Variants in ACTN1 observed in about 807,000 individuals in gnomAD.
ACTN1 encodes actinin alpha 1, also known as alpha-actinin-1.
In ACTN1, 30 loss-of-function variants were observed where a neutral mutation model predicts 119.6. The ratio of observed to expected loss-of-function variants is 0.25; its 90% confidence interval spans 0.19 to 0.34. ACTN1 has a LOEUF of 0.34. Ranked by LOEUF, ACTN1 falls within the 10% of genes least tolerant of loss-of-function variation. ACTN1 has a pLI of 1.00. For missense variants in ACTN1, 764 were observed against 1,223.4 expected, an observed-to-expected ratio of 0.62 and a Z score of 5.60; for synonymous variants, 429 against 472.6, an observed-to-expected ratio of 0.91 and a Z score of 1.20.
At position 68,890,174 on chromosome 14, in the gene ACTN1, C is replaced by T. The variant is rs575011573; in HGVS notation, c.1199G>A (p.Arg400Gln). Residue 400 changes from arginine (R) to glutamine (Q), a missense_variant, in exon 11 of 22, where the codon CGG becomes CAG. Around this residue, in one of 4 missense-constraint regions of ACTN1, gnomAD observed 544 missense variants for 912.0 expected, o/e 0.60. Coordinates refer to ENST00000394419, the MANE Select transcript of ACTN1 (RefSeq NM_001130004.2). ...GGCCTCGTGGATGGAGGCCTTCTGC[C>T]GGAACTTCTCTGCCAGGTGGTCCAG... ...ERLDHLAEKF[R>Q]QKASIHEAWT... 30 of 1,614,134 alleles carry T rather than the reference C, an allele frequency of 1.9e-5. No individual in the cohort carries two copies. Among genetic ancestry groups the T allele is most frequent in the South Asian group, 8.8e-5 (8 of 91,074 alleles).
chr14:68,950,630 C>T (rs900264818), intron 1 of ACTN1, among the ~76,000 whole-genome samples: 11 of 149,872 alleles, frequency 7.3e-5, no homozygotes, highest in Non-Finnish European at 1.3e-4. Context: ...GGTATGATCT[C>T]GGCTCACTGC....
At chr14:68,883,094 G>A (rs761673617) in intron 14 of ACTN1, 39 bp from the exon 15 acceptor site, 39 of 1,603,652 alleles carry the variant, frequency 2.4e-5, no homozygotes, top group Non-Finnish European at 3.0e-5. Context: ...GAGGAACAAA[G>A]GGAGCGCTAG....
chr14:68,921,884 C>T (rs1056630951), intron 2 of ACTN1, among the ~76,000 whole-genome samples: 1 of 152,128 alleles, frequency 6.6e-6, no homozygotes, highest in Non-Finnish European at 1.5e-5. Flanking sequence ...CTCCAGATTC[C>T]ACACAGTAGC....
chr14:68,932,920 T>A (rs1457854702), intron 1 of ACTN1, among the ~76,000 whole-genome samples: 2 of 152,134 alleles, frequency 1.3e-5, no homozygotes, highest in Non-Finnish European at 2.9e-5. Flanking sequence ...CAAACACATA[T>A]GCCACAGATC....
intron 3 of ACTN1, among the ~76,000 whole-genome samples, chr14:68,912,461 C>T (rs2034062863): frequency 6.6e-6 from 1 of 152,186 alleles, no homozygotes; most frequent in Non-Finnish European, 1.5e-5. Flanking sequence ...TCACTGCAGC[C>T]TCCAAATCCT....
At chr14:68,899,895 C>A (rs536859121) in intron 8 of ACTN1, among the ~76,000 whole-genome samples, 1 of 152,260 alleles carries the variant, frequency 6.6e-6, no homozygotes, top group South Asian at 2.1e-4. Context: ...AGGAGGCCAA[C>A]CAAGGCAAGG....
At chr14:68,915,296 C>A (rs1051783015) in intron 3 of ACTN1, among the ~76,000 whole-genome samples, 2 of 151,772 alleles carry the variant, frequency 1.3e-5, no homozygotes, top group African/African-American at 4.8e-5. Context: ...CCCCGTCCCC[C>A]CTGCTCGGGC....
chr14:68,901,625 T>C (rs1278298060), intron 8 of ACTN1, among the ~76,000 whole-genome samples: 1 of 152,186 alleles, frequency 6.6e-6, no homozygotes. Flanking sequence ...GATTCTGTGG[T>C]CATGGTGATG....
At chr14:68,959,911 A>G (rs1287126675) in intron 1 of ACTN1, among the ~76,000 whole-genome samples, 3 of 152,266 alleles carry the variant, frequency 2.0e-5, no homozygotes, top group Non-Finnish European at 4.4e-5. Context: ...AGTGTTGACT[A>G]TAAGCCTTAC....
Position 68,880,790 on chromosome 14 carries a change from A to G in ACTN1, c.2133+20T>C, listed in dbSNP as rs1368756506. Reference sequence around the variant, plus strand: ...AGGGGCCACGGGCTCCCGAAGAGGAACAAGGCCAGCCCCACCCACCTCCAT... The same window carrying G: ...AGGGGCCACGGGCTCCCGAAGAGGAGCAAGGCCAGCCCCACCCACCTCCAT... On this transcript the variant is annotated intron_variant, in intron 17 of 21. Transcript: ENST00000394419. The surrounding 1 kb of genome is among the most constrained non-coding windows in gnomAD (Gnocchi z 4.6). 1 of 1,611,658 alleles carries G rather than the reference A, an allele frequency of 6.2e-7. No homozygotes were observed. The highest frequency in any genetic ancestry group is 1.1e-5 in the South Asian group (1 of 90,984).
intron 1 of ACTN1, among the ~76,000 whole-genome samples, chr14:68,932,513 CTTT>C (rs753725900): frequency 1.7e-3 from 145 of 87,292 alleles, no homozygotes; most frequent in African/African-American, 6.2e-3. Flanking sequence ...ATACACCCAG[CTTT>C]TTTTTTTTTT....
At chr14:68,881,392 T>C (rs775735909) in intron 16 of ACTN1, among the ~76,000 whole-genome samples, 5 of 152,090 alleles carry the variant, frequency 3.3e-5, no homozygotes, top group Non-Finnish European at 7.4e-5. Flanking sequence ...ACTCACCTCC[T>C]CAGTACCCAT....
In ACTN1 at chr14:68,890,132, GC is replaced by G; in HGVS notation, c.1234+6del. 6.2e-7 allele frequency: 1 copy of G among 1,609,534 alleles called. No homozygotes were observed. The highest frequency in any genetic ancestry group is 1.3e-5 in the African/African-American group (1 of 74,992). On this transcript the variant is annotated splice_donor_region_variant and intron_variant, in intron 11 of 21. Transcript: ENST00000394419. ...TGGGGGGAGGCAGGAGGCTGGGCTG[GC>G]CTCACCGTCAGTCCAGGCCTCGTGG...
chr14:68,941,653 T>C (rs1409192572), intron 1 of ACTN1, among the ~76,000 whole-genome samples: 2 of 152,082 alleles, frequency 1.3e-5, no homozygotes, highest in Non-Finnish European at 2.9e-5. Context: ...CCCTAAGTAG[T>C]TAATAGTGTC....
At chr14:68,899,418 C>G (rs886836799) in intron 8 of ACTN1, among the ~76,000 whole-genome samples, 1 of 150,614 alleles carries the variant, frequency 6.6e-6, no homozygotes, top group Non-Finnish European at 1.5e-5. Context: ...CCCTTCCACA[C>G]CACATTCCCC....
chr14:68,948,722 T>C (rs1301978795), intron 1 of ACTN1, among the ~76,000 whole-genome samples: 2 of 151,046 alleles, frequency 1.3e-5, no homozygotes, highest in Admixed American at 1.3e-4. Flanking sequence ...ATTATTTTCA[T>C]GGCCTCTCTT....
chr14:68,945,330 T>C (rs540708863), intron 1 of ACTN1, among the ~76,000 whole-genome samples: 18 of 151,300 alleles, frequency 1.2e-4, no homozygotes, highest in African/African-American at 4.4e-4. Flanking sequence ...GGAGATCAAC[T>C]AGCCACATGG....
At chr14:68,906,100 G>C (rs1451058090) in intron 6 of ACTN1, among the ~76,000 whole-genome samples, 1 of 152,044 alleles carries the variant, frequency 6.6e-6, no homozygotes, top group Non-Finnish European at 1.5e-5. Context: ...GGGAACTACC[G>C]TTTAATGGGT....
At position 68,875,029 on chromosome 14, in the gene ACTN1, G is replaced by A. The variant is rs201818845; in HGVS notation, c.2587-12C>T. 1 of 1,612,036 alleles carries A rather than the reference G, an allele frequency of 6.2e-7. No individual in the cohort carries two copies. The highest frequency in any genetic ancestry group is 1.3e-5 in the African/African-American group (1 of 75,060). On this transcript the variant is annotated splice_polypyrimidine_tract_variant and intron_variant, in intron 21 of 21. Transcript: ENST00000394419. Reference sequence around the variant, plus strand: ...ATGGTAATGTAGTTCTGCGAGGAGAGAGTGGTCAGGAAGGCCGCAAAGTCC... The same window carrying A: ...ATGGTAATGTAGTTCTGCGAGGAGAAAGTGGTCAGGAAGGCCGCAAAGTCC...
Sources: allele counts gnomAD v4.1 joint callset (sites outside exome capture counted in the v4.1 genomes callset), GRCh38; gene constraint gnomAD v4.1.1; regional missense constraint gnomAD v4.1.1; non-coding constraint Gnocchi (gnomAD v3.1); transcripts MANE v1.5; gene names NCBI Gene and HGNC (gene_info 2026-07-23, HGNC 2026-07-21).